PP2D1: variants seen among roughly 807,000 people sequenced by gnomAD.
PP2D1 encodes protein phosphatase 2C like domain containing 1, also known as protein phosphatase 2C-like domain-containing protein 1.
In PP2D1, 25 loss-of-function variants were observed where a neutral mutation model predicts 30.2. The ratio of observed to expected loss-of-function variants is 0.83; its 90% CI spans 0.60 to 1.16. The LOEUF (loss-of-function observed/expected upper bound fraction) is 1.16, where lower values mean the gene tolerates loss of function less well. PP2D1 is among the 50% of genes most tolerant of loss of function. PP2D1 has a pLI of 0.00. For synonymous variants in PP2D1, 260 were observed against 258.9 expected, an observed-to-expected ratio of 1.00 and a Z score of -0.04; for missense variants, 760 against 742.4, an observed-to-expected ratio of 1.02 and a Z score of -0.28.
downstream of PP2D1, among the ~76,000 whole-genome samples, chr3:19,980,591 ACTCACCT>A (rs1375597884): frequency 6.6e-6 from 1 of 151,456 alleles, no homozygotes; most frequent in Non-Finnish European, 1.5e-5. Context: ...TCTTAATCTC[ACTCACCT>A]CTGATTTAAA....
In PP2D1 at chr3:20,006,997, A is replaced by ACT. The variant is rs1183406035; in HGVS notation, c.24-4902_24-4901insAG. 9.4e-5 allele frequency among the ~76,000 whole-genome samples: 11 copies of ACT among 117,344 alleles called. No homozygotes were observed. In the East Asian group the frequency reaches 1.1e-3, roughly 12 times the overall value. 77.0% of individuals were successfully genotyped at this position (117,344 alleles called of 152,430 possible). A position where few individuals can be genotyped will look rare whatever the true frequency, so the allele number is the denominator to read the frequency against. The stretch of plus-strand genomic sequence containing the variant: ...TACACACATATATATGTATACACAC[A>ACT]CACACACGTATACACACACACACAC... On this transcript the variant is annotated intron_variant, in intron 1 of 2. Coordinates refer to ENST00000389050, the MANE Select transcript of PP2D1 (RefSeq NM_001252657.2).
At chr3:20,007,784 AAAG>A (rs200065314) in intron 1 of PP2D1, 16,059 of 139,512 alleles carry the variant, frequency 0.12, 953 homozygotes, top group Non-Finnish European at 0.17. Flanking sequence ...AAAAAAAAAA[AAAG>A]AGAGAGAGAG....
Position 19,985,640 on chromosome 3 carries a change from A to T in PP2D1, c.1633T>A (p.Tyr545Asn), listed in dbSNP as rs769683969. 2.9e-5 allele frequency: 44 copies of T among 1,535,882 alleles called. No individual in the cohort carries two copies. The South Asian group carries it at 5.2e-4, about 18-fold the overall frequency. ...AATGTTTCTACATTCTCAGGGTTAT[A>T]AATACAGTATTTAGAATAGTTTGAA... is the stretch of plus-strand genomic sequence containing the variant. ...SDSNYSKYCI[Y>N]NPENVETFPA... The change falls in exon 3 of 3, where the codon TAT (tyrosine) becomes AAT (asparagine). Residue 545 changes from tyrosine to asparagine, a missense_variant. Tyr to Asn is a moderately radical substitution (Grantham distance 143). Coordinates refer to ENST00000389050, the MANE Select transcript of PP2D1 (RefSeq NM_001252657.2).
chr3:19,987,599 G>T (rs532987737), intron 2 of PP2D1, among the ~76,000 whole-genome samples: 2 of 152,008 alleles, frequency 1.3e-5, no homozygotes, highest in South Asian at 2.1e-4. Flanking sequence ...AGTTTTTTAC[G>T]TATTTAGGCT....
At chr3:19,991,155 C>G (rs1697115065) in intron 2 of PP2D1, among the ~76,000 whole-genome samples, 1 of 152,132 alleles carries the variant, frequency 6.6e-6, no homozygotes, top group Non-Finnish European at 1.5e-5. Flanking sequence ...GAACAATAAT[C>G]TTGGGGATTA....
chr3:19,983,244 G>A (rs763408798), downstream of PP2D1, among the ~76,000 whole-genome samples: 1 of 149,934 alleles, frequency 6.7e-6, no homozygotes, highest in East Asian at 2.0e-4. Flanking sequence ...GCCAAGGCAC[G>A]AGAATCACTT....
At chr3:20,008,413 C>G (rs1315858341) in intron 1 of PP2D1, among the ~76,000 whole-genome samples, 1 of 152,012 alleles carries the variant, frequency 6.6e-6, no homozygotes, top group Non-Finnish European at 1.5e-5. Flanking sequence ...ACTAAAAATA[C>G]AAAATTACCT....
chr3:20,001,196 T>G lies in PP2D1; in HGVS notation c.924A>C (p.Gln308His), dbSNP rs1391680249. 1.6e-5 allele frequency: 24 copies of G among 1,527,998 alleles called. No homozygotes were observed. Among genetic ancestry groups the G allele is most frequent in the Non-Finnish European group, 2.0e-5 (23 of 1,143,862 alleles). 94.7% of individuals were successfully genotyped at this position (1,527,998 alleles called of 1,614,324 possible). The change falls in exon 2 of 3, where the codon CAA becomes CAC. Residue 308 changes from glutamine to histidine, a missense_variant. By Grantham distance (24) the Gln-to-His change is conservative. Around this residue, in one of 3 missense-constraint regions of PP2D1, gnomAD observed 374 missense variants for 388.8 expected, o/e 0.96. Transcript: ENST00000389050. ...AAGTAACTGCAGAGCAGCCACTCCA[T>G]TGAACCCTGGACACTTCTTTTCTTC... is the stretch of plus-strand genomic sequence containing the variant. ...GLGRKEVSRV[Q>H]WSGCSAVTCI...
downstream of PP2D1, among the ~76,000 whole-genome samples, chr3:19,981,876 G>A (rs61255313): frequency 0.026 from 3,978 of 152,190 alleles, 162 homozygotes; most frequent in African/African-American, 0.09. Flanking sequence ...TTGGAGATGA[G>A]GTCTTCAGGA....
chr3:20,004,403 C>T (rs1246056837), intron 1 of PP2D1, among the ~76,000 whole-genome samples: 3 of 152,162 alleles, frequency 2.0e-5, no homozygotes, highest in South Asian at 2.1e-4. Context: ...GTATCCCCAT[C>T]GTTAAATGAT....
chr3:19,991,187 TGCTCAA>T (rs1165071048), intron 2 of PP2D1, among the ~76,000 whole-genome samples: 2 of 152,192 alleles, frequency 1.3e-5, no homozygotes, highest in African/African-American at 2.4e-5. Flanking sequence ...TTGGAGATGA[TGCTCAA>T]GCCTTTTTAA....
intron 1 of PP2D1, among the ~76,000 whole-genome samples, chr3:20,005,562 G>A (rs1451904187): frequency 6.6e-6 from 1 of 152,120 alleles, no homozygotes; most frequent in African/African-American, 2.4e-5. Context: ...AATGAGGGAT[G>A]GAGCCTACGA....
chr3:20,002,363 T>A (rs2125144817), intron 1 of PP2D1, among the ~76,000 whole-genome samples: 1 of 152,356 alleles, frequency 6.6e-6, no homozygotes, highest in African/African-American at 2.4e-5. Flanking sequence ...CACAGTATTT[T>A]ACCTTAGACA....
At chr3:20,002,229 A>G (rs1042535991) in intron 1 of PP2D1, 133 bp from the exon 2 acceptor site, 2 of 620,920 alleles carry the variant, frequency 3.2e-6, no homozygotes, top group Non-Finnish European at 2.8e-6. Flanking sequence ...ATTCTGAGTC[A>G]TATTTCTCAA....
At chr3:19,984,315 T>G (rs148311294), downstream of PP2D1, 82 of 414,478 alleles carry the variant, frequency 2.0e-4, no homozygotes, top group Middle Eastern at 7.5e-4. Context: ...AAAATGTACA[T>G]TCCACATTTT....
chr3:19,996,333 A>G (rs925181979), intron 2 of PP2D1, among the ~76,000 whole-genome samples: 1 of 152,186 alleles, frequency 6.6e-6, no homozygotes. Context: ...TAGAAAACCT[A>G]GAGGAAATGG....
At chr3:20,003,962 T>A (rs547295242) in intron 1 of PP2D1, among the ~76,000 whole-genome samples, 4 of 152,258 alleles carry the variant, frequency 2.6e-5, no homozygotes, top group East Asian at 1.9e-4. Flanking sequence ...TAAGCTAAGA[T>A]CAATTTATTA....
chr3:20,006,995 A>G (rs1697326241), intron 1 of PP2D1, among the ~76,000 whole-genome samples: 1 of 119,744 alleles, frequency 8.4e-6, no homozygotes. Context: ...ATGTATACAC[A>G]CACACACACG....
Position 19,985,594 on chromosome 3 carries a change from C to T in PP2D1, c.1679G>A (p.Arg560His), listed in dbSNP as rs746118438. ...VETFPAETTHRKPCSEKVTDR... is the reference protein window; with the variant it reads ...VETFPAETTHHKPCSEKVTDR... The stretch of plus-strand genomic sequence containing the variant: ...AGTTACTTTTTCACTGCAAGGTTTA[C>T]GATGAGTCGTTTCTGCTGGAAATGT... The change falls in exon 3 of 3, where the codon CGT (arginine) becomes CAT (histidine). Residue 560 changes from arginine (R) to histidine (H), a missense_variant. Arg to His is a conservative substitution (Grantham distance 29, BLOSUM62 0). Transcript: ENST00000389050. 4.8e-5 allele frequency: 74 copies of T among 1,535,816 alleles called. No homozygotes were observed. In the South Asian group the frequency reaches 6.1e-4, roughly 13 times the overall value.
Sources: allele counts gnomAD v4.1 joint callset (sites outside exome capture counted in the v4.1 genomes callset), GRCh38; gene constraint gnomAD v4.1.1; regional missense constraint gnomAD v4.1.1; transcripts MANE v1.5; gene names NCBI Gene and HGNC (gene_info 2026-07-23, HGNC 2026-07-21).